Variants in PCYT1A observed in about 807,000 individuals in gnomAD.
The protein encoded by PCYT1A is choline-phosphate cytidylyltransferase A.
PCYT1A carries 25 observed loss-of-function variants against 43.7 expected under a neutral mutation model. The observed-to-expected ratio is 0.57, with a 90% CI of 0.42 to 0.80. PCYT1A has a LOEUF of 0.80. Ranked by LOEUF, PCYT1A falls within the 30% of genes least tolerant of loss-of-function variation. The pLI, the probability that PCYT1A is intolerant of heterozygous loss-of-function variation, is 0.00. For synonymous variants in PCYT1A, 172 were observed against 170.7 expected (o/e 1.01, Z -0.06); for missense variants, 421 against 474.2 (o/e 0.89, Z 1.04).
Position 196,252,521 on chromosome 3 carries a change from G to A in PCYT1A, c.218-4198C>T, listed in dbSNP as rs373707588. Among the ~76,000 whole-genome samples the A allele has an allele frequency of 2.6e-5, 4 of 152,136 alleles. No individual in the cohort carries two copies. Among genetic ancestry groups the A allele is most frequent in the Admixed American group, 1.3e-4 (2 of 15,254 alleles). ...CTCCCGAAGTTCTGGGATTACGGGC[G>A]TGAGCCACCATGCCCAGCCCAGGCT... On this transcript the variant is annotated intron_variant, in intron 3 of 8. Transcript: ENST00000431016. This position sits in a 1 kb window ranked among gnomAD's most constrained non-coding sequence, Gnocchi z 4.0.
chr3:196,278,954 C>T (rs562389064), intron 1 of PCYT1A, among the ~76,000 whole-genome samples: 3 of 140,358 alleles, frequency 2.1e-5, no homozygotes, highest in African/African-American at 8.1e-5. Flanking sequence ...GTACTCCCGC[C>T]TGGGTGACAG....
In PCYT1A at chr3:196,247,261, G is replaced by A. The variant is rs990943913; in HGVS notation, c.486+106C>T. 4.4e-6 allele frequency: 5 copies of A among 1,132,686 alleles called. No individual in the cohort carries two copies. In the Middle Eastern group the frequency reaches 1.2e-3, roughly 272 times the overall value. The allele number at this position is 1,132,686 out of a possible 1,614,324, so 70.2% of individuals were successfully genotyped here. ...CATCTCCTACGAAACTTACATAAGA[G>A]GTAGAAGTAAAACACGGCTAGTGGA... On this transcript the variant is annotated intron_variant, in intron 5 of 8. Coordinates refer to ENST00000431016, the MANE Select transcript of PCYT1A (RefSeq NM_001312673.2). The surrounding 1 kb of genome is among the most constrained non-coding windows in gnomAD (Gnocchi z 4.8).
intron 2 of PCYT1A, among the ~76,000 whole-genome samples, chr3:196,261,660 C>T (rs1281504902): frequency 6.6e-6 from 1 of 151,948 alleles, no homozygotes; most frequent in African/African-American, 2.4e-5. Flanking sequence ...TGGGGTGGTG[C>T]ATGCCTGCAA....
chr3:196,279,404 G>C (rs1314550751), intron 1 of PCYT1A, among the ~76,000 whole-genome samples: 2 of 151,558 alleles, frequency 1.3e-5, no homozygotes, highest in South Asian at 4.2e-4. Context: ...ACTGAAATTT[G>C]AGCACAGACT....
At chr3:196,249,903 A>T (rs1298891906) in intron 3 of PCYT1A, among the ~76,000 whole-genome samples, 1 of 151,826 alleles carries the variant, frequency 6.6e-6, no homozygotes, top group African/African-American at 2.4e-5. Flanking sequence ...CAGATACACT[A>T]TGCTGAGGCT....
rs1577354571 is a variant in PCYT1A, at chr3:196,242,717, A to G, written c.487-77T>C. On this transcript the variant is annotated intron_variant, in intron 5 of 8. Transcript: ENST00000431016. The surrounding 1 kb of genome is among the most constrained non-coding windows in gnomAD (Gnocchi z 4.2). ...ACCCAGTCAATGTTCTCAGGCCCAG[A>G]AAAAGGACAATAGGCAGAGGCCAGG... The G allele has an allele frequency of 1.0e-6, 1 of 957,866 alleles. No individual in the cohort carries two copies. The highest frequency in any genetic ancestry group is 1.3e-5 in the South Asian group (1 of 77,376). 59.3% of individuals were successfully genotyped at this position (957,866 alleles called of 1,614,324 possible).
intron 2 of PCYT1A, 78 bp from the exon 3 acceptor site, chr3:196,257,965 G>A: frequency 6.2e-6 from 5 of 800,302 alleles, no homozygotes; most frequent in Non-Finnish European, 8.2e-6. Flanking sequence ...AAAAAGATGA[G>A]AGAAAGGAGA....
At chr3:196,285,622 T>C (rs909949130) in intron 1 of PCYT1A, among the ~76,000 whole-genome samples, 4 of 152,168 alleles carry the variant, frequency 2.6e-5, no homozygotes, top group Admixed American at 2.6e-4. Context: ...CATAGTGTGG[T>C]ATCATTCCTA....
At chr3:196,285,514 G>T (rs1342903144) in intron 1 of PCYT1A, among the ~76,000 whole-genome samples, 1 of 152,112 alleles carries the variant, frequency 6.6e-6, no homozygotes, top group African/African-American at 2.4e-5. Flanking sequence ...GAAGGAAGTA[G>T]TAACATTCAC....
At chr3:196,241,531 C>A (rs775112505) in intron 7 of PCYT1A, 2 of 1,291,120 alleles carry the variant, frequency 1.5e-6, no homozygotes, top group Admixed American at 2.3e-5. Context: ...ACTTAACTTT[C>A]GTCAATCCAA....
chr3:196,244,727 T>G, intron 5 of PCYT1A, among the ~76,000 whole-genome samples: 1 of 152,220 alleles, frequency 6.6e-6, no homozygotes, highest in East Asian at 1.9e-4. Context: ...CATGGGAGAC[T>G]CAATTTTGTT....
intron 2 of PCYT1A, among the ~76,000 whole-genome samples, chr3:196,263,668 C>T (rs1156598213): frequency 1.3e-5 from 2 of 152,144 alleles, no homozygotes; most frequent in African/African-American, 4.8e-5. Context: ...GAGTCTTGCT[C>T]TGTCGCCAGG....
At position 196,277,944 on chromosome 3, in the gene PCYT1A, C is replaced by T. The variant is rs1292231813; in HGVS notation, c.-10-7403G>A. Reference sequence around the variant, plus strand: ...GTTTTTTTCATTTTTTCCCGGCCTTCTTATGCCATCCCAATGTTCTCTCAC... The same window carrying T: ...GTTTTTTTCATTTTTTCCCGGCCTTTTTATGCCATCCCAATGTTCTCTCAC... On this transcript the variant is annotated intron_variant, in intron 1 of 8. Transcript: ENST00000431016. This position sits in a 1 kb window ranked among gnomAD's most constrained non-coding sequence, Gnocchi z 4.1. 6.6e-6 allele frequency among the ~76,000 whole-genome samples: 1 copy of T among 152,166 alleles called. No individual in the cohort carries two copies. Among genetic ancestry groups the T allele is most frequent in the Non-Finnish European group, 1.5e-5 (1 of 68,032 alleles).
At position 196,256,415 on chromosome 3, in the gene PCYT1A, G is replaced by A. The variant is rs777692882; in HGVS notation, c.217+1373C>T. Among the ~76,000 whole-genome samples, 4 of 151,878 alleles carry A rather than the reference G, an allele frequency of 2.6e-5. No individual in the cohort carries two copies. In the East Asian group the frequency reaches 7.8e-4, roughly 30 times the overall value. On this transcript the variant is annotated intron_variant, in intron 3 of 8. Coordinates refer to ENST00000431016, the MANE Select transcript of PCYT1A (RefSeq NM_001312673.2). ...TGGGGCAGAAGAATTGCTTGAACCC[G>A]GGAGGAGGAGGTTGCACTGAGCCAA...
chr3:196,236,406 A>AGACT lies in PCYT1A; in HGVS notation c.*2278_*2281dup. On this transcript the variant is annotated 3_prime_UTR_variant, in exon 9 of 9. Transcript: ENST00000431016. ...GCTGACGCAGAAAAGTTCAAAGATG[A>AGACT]GACTATGTAACACTGGGTAACACAG... The AGACT allele has an allele frequency of 6.6e-6, 1 of 152,426 alleles. No homozygotes were observed. The highest frequency in any genetic ancestry group is 2.4e-5 in the African/African-American group (1 of 41,596). The allele number at this position is 152,426 out of a possible 1,614,324, so 9.4% of individuals were successfully genotyped here. A position where few individuals can be genotyped will look rare whatever the true frequency, so the allele number is the denominator to read the frequency against.
intron 1 of PCYT1A, among the ~76,000 whole-genome samples, chr3:196,276,350 T>C (rs1428091011): frequency 1.3e-5 from 2 of 152,110 alleles, no homozygotes; most frequent in Non-Finnish European, 2.9e-5. Flanking sequence ...ACGCCTGCAA[T>C]CCCAGCACTT....
chr3:196,267,355 G>A, intron 2 of PCYT1A: 1 of 455,766 alleles, frequency 2.2e-6, no homozygotes, highest in Non-Finnish European at 4.4e-6. Context: ...GGCTTCCAGA[G>A]GCTGGAGAGA....
At chr3:196,263,983 T>C (rs899823776) in intron 2 of PCYT1A, among the ~76,000 whole-genome samples, 45 of 152,302 alleles carry the variant, frequency 3.0e-4, no homozygotes, top group Admixed American at 1.0e-3. Context: ...CTGACTCCTA[T>C]TGCCATTTCA....
chr3:196,285,453 T>C (rs769727605), intron 1 of PCYT1A, among the ~76,000 whole-genome samples: 22 of 149,130 alleles, frequency 1.5e-4, no homozygotes, highest in Non-Finnish European at 3.1e-4. Flanking sequence ...AGTGAGACTC[T>C]GTCTCAAAAA....
Sources: allele counts gnomAD v4.1 joint callset (sites outside exome capture counted in the v4.1 genomes callset), GRCh38; gene constraint gnomAD v4.1.1; non-coding constraint Gnocchi (gnomAD v3.1); transcripts MANE v1.5; gene names NCBI Gene and HGNC (gene_info 2026-07-23, HGNC 2026-07-21).